The following RDM1 variants were observed in gnomAD, a reference collection of about 807,000 sequenced individuals.
RDM1 encodes the protein RAD52 motif-containing protein 1.
Under a neutral mutation model 27.7 loss-of-function variants are expected in RDM1, and 28 were observed. The ratio of observed to expected loss-of-function variants is 1.01; its 90% CI spans 0.75 to 1.39. The LOEUF is 1.39. RDM1 is among the 40% of genes most tolerant of loss of function. The pLI, the probability that RDM1 is intolerant of heterozygous loss-of-function variation, is 0.00. For missense variants in RDM1, 277 were observed against 337.3 expected, an observed-to-expected ratio of 0.82 and a Z score of 1.40; for synonymous variants, 124 against 127.5, an observed-to-expected ratio of 0.97 and a Z score of 0.19.
chr17:35,927,396 T>C (rs1041273570), intron 2 of RDM1, among the ~76,000 whole-genome samples: 10 of 151,998 alleles, frequency 6.6e-5, no homozygotes, highest in Non-Finnish European at 1.0e-4. Context: ...GCTGAGATCA[T>C]GCCATTGCAC....
intron 4 of RDM1, among the ~76,000 whole-genome samples, chr17:35,924,198 G>A (rs1182771155): frequency 2.0e-5 from 3 of 151,930 alleles, no homozygotes; most frequent in African/African-American, 7.3e-5. Flanking sequence ...TCTAGCCTGG[G>A]CAACAGAGCA....
At position 35,918,196 on chromosome 17, in the gene RDM1, C is replaced by T; in HGVS notation, c.*146G>A. 3.0e-6 allele frequency: 2 copies of T among 659,338 alleles called. No individual in the cohort carries two copies. The highest frequency in any genetic ancestry group is 5.4e-6 in the Non-Finnish European group (2 of 369,468). The allele number at this position is 659,338 out of a possible 1,614,324, so 40.8% of individuals were successfully genotyped here. The stretch of plus-strand genomic sequence containing the variant: ...CCCACTCCACCAGAACACCCCTTCC[C>T]TCCCCTTCGCCAGGAAAGATTTGGG... On this transcript the variant is annotated 3_prime_UTR_variant, in exon 7 of 7. Coordinates refer to ENST00000620284, the MANE Select transcript of RDM1 (RefSeq NM_145654.4).
intron 2 of RDM1, 102 bp from the exon 3 acceptor site, chr17:35,925,739 T>A (rs2089123912): frequency 1.5e-6 from 2 of 1,351,000 alleles, no homozygotes; most frequent in South Asian, 1.4e-5. Context: ...TGAAAAATTG[T>A]TACTGTCTTC....
chr17:35,929,246 T>C (rs1430978472), intron 2 of RDM1, among the ~76,000 whole-genome samples: 1 of 152,144 alleles, frequency 6.6e-6, no homozygotes, highest in Non-Finnish European at 1.5e-5. Context: ...AGAAGTCTTC[T>C]GGCAAAGATT....
chr17:35,918,429 G>C lies in RDM1; in HGVS notation c.768C>G (p.Pro256=). 1 of 1,614,076 alleles carries C rather than the reference G, an allele frequency of 6.2e-7. No homozygotes were observed. Among genetic ancestry groups the C allele is most frequent in the South Asian group, 1.1e-5 (1 of 91,080 alleles). Residue 256 remains proline (P), a synonymous_variant, in exon 7 of 7, where the codon CCC becomes CCG. Transcript: ENST00000620284. ...CCTCCTCTTGGCCATACTGCTTCCA[G>C]GGAGAGCAAGGGACCTGCAAAATGT... The part of the protein sequence containing the change: ...LHGLIQVPCS[P]WKQYGQEEEG...
chr17:35,920,204 GTTC>G lies in RDM1; in HGVS notation c.733_735del (p.Glu245del), dbSNP rs781080082. The G allele has an allele frequency of 1.2e-5, 19 of 1,584,346 alleles. No homozygotes were observed. The Middle Eastern group carries it at 5.0e-4, about 41-fold the overall frequency. On this transcript the variant is annotated inframe_deletion, in exon 6 of 7. Coordinates refer to ENST00000620284, the MANE Select transcript of RDM1 (RefSeq NM_145654.4). ...TCACATACTTGAATTAAACCGTGTA[GTTC>G]TTCTTCGCATCTGACACCTACGATG...
chr17:35,920,829 A>G (rs1195429727), intron 5 of RDM1, among the ~76,000 whole-genome samples: 2 of 152,226 alleles, frequency 1.3e-5, no homozygotes, highest in East Asian at 1.9e-4. Context: ...TCTTACAGAT[A>G]GGAACTAAGG....
At chr17:35,922,331 A>G (rs991549823) in intron 5 of RDM1, 3 of 493,058 alleles carry the variant, frequency 6.1e-6, no homozygotes, top group African/African-American at 4.0e-5. Flanking sequence ...CCTGGCTTAA[A>G]CATTTTCTGT....
At chr17:35,922,023 C>A (rs977244935) in intron 5 of RDM1, 1 of 151,562 alleles carries the variant, frequency 6.6e-6, no homozygotes. Flanking sequence ...CAGGTTCACG[C>A]CATTCTCCTG....
At chr17:35,922,443 T>C in intron 5 of RDM1, 134 bp downstream of exon 5, 1 of 1,090,596 alleles carries the variant, frequency 9.2e-7, no homozygotes, top group Non-Finnish European at 1.3e-6. Flanking sequence ...CCTGTTGGTG[T>C]GAAATAATTT....
chr17:35,924,649 G>A lies in RDM1; in HGVS notation c.523C>T (p.Pro175Ser), dbSNP rs780977228. 1.9e-6 allele frequency: 3 copies of A among 1,613,916 alleles called. No homozygotes were observed. In the East Asian group the frequency reaches 6.7e-5, roughly 36 times the overall value. ...GGCTCCTCCACCAAGCCAATGCCAG[G>A]ACTCCTGCAATCACAGGATGGCAAC... Reference protein sequence around the residue: ...VVLPSCDCRSPGIGLVEEPMD... With the variant: ...VVLPSCDCRSSGIGLVEEPMD... The change falls in exon 4 of 7, where the codon CCT becomes TCT. Residue 175 changes from proline (P) to serine (S), a missense_variant. Transcript: ENST00000620284.
intron 4 of RDM1, 147 bp downstream of exon 4, chr17:35,924,455 GAC>G (rs918428243): frequency 1.3e-6 from 1 of 757,358 alleles, no homozygotes; most frequent in Non-Finnish European, 2.1e-6. Context: ...TATGTTGTAA[GAC>G]AGAAAAACTC....
chr17:35,922,760 A>G, intron 4 of RDM1, 85 bp from the exon 5 acceptor site: 1 of 1,135,118 alleles, frequency 8.8e-7, no homozygotes, highest in Non-Finnish European at 1.3e-6. Context: ...AGCATCCACG[A>G]TTCTTAGCTC....
intron 6 of RDM1, among the ~76,000 whole-genome samples, chr17:35,919,287 A>G (rs908714636): frequency 6.6e-6 from 1 of 152,218 alleles, no homozygotes; most frequent in African/African-American, 2.4e-5. Flanking sequence ...TTCAGAGATT[A>G]ATTTAGAAAC....
Position 35,930,229 on chromosome 17 carries a change from CTG to C in RDM1, c.121_122del (p.Gln41ValfsTer25), listed in dbSNP as rs375786999. On this transcript the variant is annotated frameshift_variant, in exon 2 of 7. Coordinates refer to ENST00000620284, the MANE Select transcript of RDM1 (RefSeq NM_145654.4). LOFTEE classifies it high-confidence loss of function. ...CCCGGACTGAATACAGAAGGCCAAA[CTG>C]AGAAAATGCTGTGAACAGAGAATGC... ...LHHSLFTAFS[Q>X]FGLLYSVRVF... is the part of the protein sequence containing the mutation. The C allele has an allele frequency of 9.0e-4, 1,452 of 1,614,118 alleles. 12 individuals carry two copies. In the African/African-American group the frequency reaches 0.014, roughly 16 times the overall value.
At chr17:35,929,924 T>C in intron 2 of RDM1, 152 bp downstream of exon 2, 1 of 766,560 alleles carries the variant, frequency 1.3e-6, no homozygotes, top group East Asian at 2.5e-5. Flanking sequence ...TGAGTTTGAG[T>C]TTCTTCATGT....
chr17:35,919,346 T>C (rs1406962577), intron 6 of RDM1, among the ~76,000 whole-genome samples: 1 of 151,634 alleles, frequency 6.6e-6, no homozygotes, highest in Non-Finnish European at 1.5e-5. Flanking sequence ...TTGCTTGCCA[T>C]GTGAGGAGAA....
At chr17:35,924,496 G>A in intron 4 of RDM1, 108 bp downstream of exon 4, 5 of 1,191,992 alleles carry the variant, frequency 4.2e-6, no homozygotes, top group African/African-American at 3.0e-5. Context: ...CTCAGAGAGG[G>A]AGGGGCTTGA....
intron 3 of RDM1, 122 bp from the exon 4 acceptor site, chr17:35,924,894 G>C: frequency 1.2e-6 from 1 of 856,018 alleles, no homozygotes; most frequent in Non-Finnish European, 1.8e-6. Context: ...CCAGTACTTT[G>C]GGAGGCCGAG....
Sources: gnomAD v4.1 joint callset for allele counts (sites outside exome capture counted in the v4.1 genomes callset) on GRCh38, gnomAD v4.1.1 for gene constraint, MANE v1.5 for transcripts, NCBI Gene and HGNC (gene_info 2026-07-23, HGNC 2026-07-21) for gene names.